HPRT1: variants seen among roughly 807,000 people sequenced by gnomAD.
HPRT1 encodes the protein hypoxanthine phosphoribosyltransferase 1.
Under a neutral mutation model 19.0 loss-of-function variants are expected in HPRT1, and 4 were observed. The ratio of observed to expected loss-of-function variants is 0.21; its 90% confidence interval spans 0.10 to 0.48. The LOEUF is 0.48. HPRT1 is among the 20% of genes least tolerant of loss of function. The pLI is 0.98. For synonymous variants in HPRT1, 53 were observed against 54.9 expected (o/e 0.97, Z 0.15); for missense variants, 65 against 164.0 (o/e 0.40, Z 3.30).
At chrX:134,475,613 G>A (rs753244736) in intron 3 of HPRT1, among the ~76,000 whole-genome samples, 10 of 111,320 alleles carry the variant, frequency 9.0e-5, no homozygotes, top group Non-Finnish European at 1.7e-4. Flanking sequence ...TTGCTGTTGG[G>A]ACTTGGGATA....
chrX:134,472,665 C>T (rs1348049417), intron 1 of HPRT1, among the ~76,000 whole-genome samples: 1 of 111,208 alleles, frequency 9.0e-6, no homozygotes, highest in Admixed American at 9.6e-5. Flanking sequence ...CTTCTGGGTA[C>T]AAGCGATTCT....
At chrX:134,470,794 G>A (rs765499621) in intron 1 of HPRT1, among the ~76,000 whole-genome samples, 32 of 109,649 alleles carry the variant, frequency 2.9e-4, no homozygotes, top group Admixed American at 1.1e-3. Flanking sequence ...GTGACCAGGC[G>A]TGGTGGCTCA....
intron 1 of HPRT1, among the ~76,000 whole-genome samples, chrX:134,467,857 G>A (rs2077600936): frequency 9.8e-6 from 1 of 102,472 alleles, no homozygotes; most frequent in Non-Finnish European, 2.0e-5. Flanking sequence ...TCAGGCTGGA[G>A]TGTAGTGGTA....
chrX:134,481,015 G>T (rs1370803607), intron 3 of HPRT1, among the ~76,000 whole-genome samples: 3 of 109,438 alleles, frequency 2.7e-5, no homozygotes, highest in Non-Finnish European at 5.7e-5. Context: ...TATACAACAT[G>T]ATGTTATGGG....
chrX:134,460,283 A>G lies in HPRT1; in HGVS notation c.-29A>G, dbSNP rs1333832144. 10 of 1,124,294 alleles carry G rather than the reference A, an allele frequency of 8.9e-6. No homozygotes were observed. Among genetic ancestry groups the G allele is most frequent in the Non-Finnish European group, 1.2e-5 (10 of 855,808 alleles). The allele number at this position is 1,124,294 out of a possible 1,213,427, so 92.7% of individuals were successfully genotyped here. Reference sequence around the variant, plus strand: ...CGCCACCGGCTTCCTCCTCCTGAGCAGTCAGCCCGCGCGCCGGCCGGCTCC... The same window carrying G: ...CGCCACCGGCTTCCTCCTCCTGAGCGGTCAGCCCGCGCGCCGGCCGGCTCC... On this transcript the variant is annotated 5_prime_UTR_variant, in exon 1 of 9. Coordinates refer to ENST00000298556, the MANE Select transcript of HPRT1 (RefSeq NM_000194.3).
intron 1 of HPRT1, among the ~76,000 whole-genome samples, chrX:134,464,930 T>C (rs966339718): frequency 9.1e-6 from 1 of 110,394 alleles, no homozygotes; most frequent in Non-Finnish European, 1.9e-5. Context: ...CATTGTCTTT[T>C]TTTTTTTAAG....
At chrX:134,466,310 C>T (rs1002308993) in intron 1 of HPRT1, among the ~76,000 whole-genome samples, 2 of 108,074 alleles carry the variant, frequency 1.9e-5, no homozygotes, top group Admixed American at 1.0e-4. Context: ...CCAAGCTACT[C>T]GGGAGGGTGA....
At chrX:134,476,421 AG>A (rs1361338208) in intron 3 of HPRT1, among the ~76,000 whole-genome samples, 1 of 112,574 alleles carries the variant, frequency 8.9e-6, no homozygotes, top group African/African-American at 3.2e-5. Flanking sequence ...CTTGAATTAA[AG>A]ACTTGTTTAA....
chrX:134,460,360 C>T (rs1369287232), intron 1 of HPRT1, 22 bp downstream of exon 1: 12 of 1,102,450 alleles, frequency 1.1e-5, no homozygotes, highest in Middle Eastern at 3.4e-4. Context: ...GGCCTGCCGG[C>T]CCTGGCCGGT....
intron 3 of HPRT1, among the ~76,000 whole-genome samples, chrX:134,481,467 C>A (rs1340653758): frequency 9.1e-6 from 1 of 110,330 alleles, no homozygotes; most frequent in Non-Finnish European, 1.9e-5. Context: ...CTATTTCCAT[C>A]TCTGTCTCCA....
intron 3 of HPRT1, among the ~76,000 whole-genome samples, chrX:134,478,031 C>T (rs1362385129): frequency 2.7e-5 from 3 of 111,895 alleles, no homozygotes; most frequent in Non-Finnish European, 5.6e-5. Flanking sequence ...GTAAGATATT[C>T]ATATATGCAT....
intron 6 of HPRT1, among the ~76,000 whole-genome samples, chrX:134,494,017 TTTA>T (rs1241696145): frequency 8.9e-6 from 1 of 112,239 alleles, no homozygotes; most frequent in African/African-American, 3.2e-5. Context: ...TGCTTCCTTT[TTTA>T]TTAAGTCGGC....
chrX:134,462,527 A>G (rs2077587288), intron 1 of HPRT1, among the ~76,000 whole-genome samples: 1 of 111,477 alleles, frequency 9.0e-6, no homozygotes, highest in South Asian at 3.8e-4. Flanking sequence ...CATGTTGTCC[A>G]GGCTGGTCTT....
chrX:134,464,789 C>T (rs2124284269), intron 1 of HPRT1, among the ~76,000 whole-genome samples: 1 of 109,499 alleles, frequency 9.1e-6, no homozygotes, highest in East Asian at 2.9e-4. Flanking sequence ...GGATGGTCTC[C>T]ATCTCCTGAC....
rs573943953 is a variant in HPRT1 at position 134,499,126 on chromosome X, C to T, written c.609+442C>T. ...TTTTTTACTCCATCTTTTTTTGCCA[C>T]GTACACTGGCCTCCCACTTTGATAT... On this transcript the variant is annotated intron_variant, in intron 8 of 8. Transcript: ENST00000298556. 2.0e-4 allele frequency among the ~76,000 whole-genome samples: 22 copies of T among 111,435 alleles called. No homozygotes were observed. The South Asian group carries it at 6.4e-3, about 32-fold the overall frequency.
intron 2 of HPRT1, among the ~76,000 whole-genome samples, chrX:134,474,873 TA>T (rs1174808175): frequency 9.0e-6 from 1 of 111,331 alleles, no homozygotes; most frequent in Admixed American, 9.6e-5. Context: ...GTGGAAGATT[TA>T]AAAAAAATTT....
intron 3 of HPRT1, among the ~76,000 whole-genome samples, chrX:134,482,991 T>A (rs1488281729): frequency 5.5e-5 from 6 of 109,994 alleles, no homozygotes; most frequent in Non-Finnish European, 1.1e-4. Flanking sequence ...GGGGCCTGCT[T>A]GAATGTTGAG....
In HPRT1 at chrX:134,460,289, C is replaced by T; in HGVS notation, c.-23C>T. 1.8e-6 allele frequency: 2 copies of T among 1,125,481 alleles called. No homozygotes were observed. The highest frequency in any genetic ancestry group is 3.9e-5 in the South Asian group (2 of 51,213). 92.8% of individuals were successfully genotyped at this position (1,125,481 alleles called of 1,213,427 possible). A position where few individuals can be genotyped will look rare whatever the true frequency, so the allele number is the denominator to read the frequency against. ...CGGCTTCCTCCTCCTGAGCAGTCAG[C>T]CCGCGCGCCGGCCGGCTCCGTTATG... On this transcript the variant is annotated 5_prime_UTR_variant, in exon 1 of 9. Transcript: ENST00000298556.
Position 134,460,279 on chromosome X carries a change from G to T in HPRT1, c.-33G>T. On this transcript the variant is annotated 5_prime_UTR_variant, in exon 1 of 9. Transcript: ENST00000298556. ...GCTCCGCCACCGGCTTCCTCCTCCTGAGCAGTCAGCCCGCGCGCCGGCCGG... is the reference window on the plus strand; with the variant it reads ...GCTCCGCCACCGGCTTCCTCCTCCTTAGCAGTCAGCCCGCGCGCCGGCCGG... 8.9e-7 allele frequency: 1 copy of T among 1,125,221 alleles called. No individual in the cohort carries two copies. The highest frequency in any genetic ancestry group is 1.9e-5 in the African/African-American group (1 of 53,049). The allele number at this position is 1,125,221 out of a possible 1,213,427, so 92.7% of individuals were successfully genotyped here.
Sources: allele counts gnomAD v4.1 joint callset (sites outside exome capture counted in the v4.1 genomes callset), GRCh38; gene constraint gnomAD v4.1.1; transcripts MANE v1.5; gene names NCBI Gene and HGNC (gene_info 2026-07-23, HGNC 2026-07-21).